The following POLR3A variants were observed in gnomAD, a reference collection of about 807,000 sequenced individuals.
POLR3A encodes the protein DNA-directed RNA polymerase III subunit RPC1.
In POLR3A, 112 loss-of-function variants were observed where a neutral mutation model predicts 152.8. The observed-to-expected ratio is 0.73, with a 90% CI of 0.63 to 0.86. POLR3A has a LOEUF of 0.86. Ranked by LOEUF, POLR3A falls within the 40% of genes least tolerant of loss-of-function variation. The probability of loss-of-function intolerance (pLI) is 0.00; values close to 1 mark genes in which losing one functional copy is unlikely to be tolerated. For missense variants in POLR3A, 1,385 were observed against 1,743.1 expected (o/e 0.79, Z 3.66); for synonymous variants, 615 against 652.1 (o/e 0.94, Z 0.87).
chr10:78,025,610 C>G lies in POLR3A; in HGVS notation c.318+12G>C. On this transcript the variant is annotated intron_variant, in intron 3 of 30. Transcript: ENST00000372371. ...GAATTTATGTCTTGGAAATCAGCAC[C>G]TGTGTGCTTACCTGTAAGATGCCTA... 2 of 1,613,960 alleles carry G rather than the reference C, an allele frequency of 1.2e-6. No individual in the cohort carries two copies. The highest frequency in any genetic ancestry group is 1.7e-6 in the Non-Finnish European group (2 of 1,179,826).
In POLR3A at chr10:77,993,259, G is replaced by A; in HGVS notation, c.2725C>T (p.Pro909Ser). 1 of 1,613,452 alleles carries A rather than the reference G, an allele frequency of 6.2e-7. No individual in the cohort carries two copies. The highest frequency in any genetic ancestry group is 8.5e-7 in the Non-Finnish European group (1 of 1,179,456). ...QFIYGGDGLD[P>S]AAMEGKDEPL... ...TCATCTTTTCCCTCCATAGCTGCAG[G>A]ATCTAAGCCATCTCCTCCATAAATG... Residue 909 changes from proline (P) to serine (S), a missense_variant, in exon 20 of 31, where the codon CCT (proline) becomes TCT (serine). Physicochemically the swap from Pro to Ser is moderately conservative, Grantham distance 74. This residue lies in a region of POLR3A where 178 missense variants were observed against 204.6 expected (regional missense o/e 0.87). Coordinates refer to ENST00000372371, the MANE Select transcript of POLR3A (RefSeq NM_007055.4).
rs1847127624 is a variant in POLR3A at position 77,980,276 on chromosome 10, G to A, written c.3892-3C>T. The A allele has an allele frequency of 6.2e-7, 1 of 1,613,786 alleles. No individual in the cohort carries two copies. Among genetic ancestry groups the A allele is most frequent in the African/African-American group, 1.3e-5 (1 of 74,854 alleles). On this transcript the variant is annotated splice_region_variant and splice_polypyrimidine_tract_variant and intron_variant, in intron 29 of 30. Transcript: ENST00000372371. ...CTAGTGATGCCCAGGACTTCACCCT[G>A]CGTCAAGGGAGAAAGAGTCACGGTG...
chr10:77,996,175 A>T (rs1348531752), intron 19 of POLR3A, among the ~76,000 whole-genome samples: 2 of 152,180 alleles, frequency 1.3e-5, no homozygotes, highest in African/African-American at 2.4e-5. Context: ...TGTAGAGGGA[A>T]ATTTATAGCA....
rs369287528 is a variant in POLR3A, at chr10:77,980,278, G to A, written c.3892-5C>T. 2.6e-5 allele frequency: 42 copies of A among 1,613,860 alleles called. 1 individual carries two copies. Among genetic ancestry groups the A allele is most frequent in the South Asian group, 1.3e-4 (12 of 91,074 alleles). On this transcript the variant is annotated splice_region_variant and splice_polypyrimidine_tract_variant and intron_variant, in intron 29 of 30. Transcript: ENST00000372371. ...AGTGATGCCCAGGACTTCACCCTGCGTCAAGGGAGAAAGAGTCACGGTGGT... is the reference window on the plus strand; with the variant it reads ...AGTGATGCCCAGGACTTCACCCTGCATCAAGGGAGAAAGAGTCACGGTGGT...
chr10:77,985,798 C>T (rs1847191095), intron 23 of POLR3A, 105 bp downstream of exon 23: 3 of 836,214 alleles, frequency 3.6e-6, no homozygotes, highest in South Asian at 1.4e-5. Flanking sequence ...CAAATACTGG[C>T]AGTTAACAAG....
intron 18 of POLR3A, 74 bp from the exon 19 acceptor site, chr10:78,000,192 C>T: frequency 7.6e-7 from 1 of 1,322,398 alleles, no homozygotes; most frequent in East Asian, 2.4e-5. Flanking sequence ...CCACTCAAAT[C>T]AGAAAATGCC....
chr10:77,982,836 T>C lies in POLR3A; in HGVS notation c.3430-19A>G, dbSNP rs1589303200. 1.2e-6 allele frequency: 2 copies of C among 1,609,954 alleles called. No individual in the cohort carries two copies. The highest frequency in any genetic ancestry group is 4.5e-5 in the East Asian group (2 of 44,842). On this transcript the variant is annotated intron_variant, in intron 26 of 30. Coordinates refer to ENST00000372371, the MANE Select transcript of POLR3A (RefSeq NM_007055.4). Reference sequence around the variant, plus strand: ...CGTTCACCTGCAACATGGCCAGGTGTAGGTGTTACTGATTCCAGTGTTGTT... The same window carrying C: ...CGTTCACCTGCAACATGGCCAGGTGCAGGTGTTACTGATTCCAGTGTTGTT...
At chr10:78,029,304 G>T in intron 1 of POLR3A, 60 bp downstream of exon 1, 1 of 1,564,862 alleles carries the variant, frequency 6.4e-7, no homozygotes. Flanking sequence ...ACCCGGGACC[G>T]CTGACCTCGG....
In POLR3A at chr10:78,025,336, CAG is replaced by C. The variant is rs570123766; in HGVS notation, c.319-196_319-195del. ...ATTAGCAGTACTCACAGCCAGTAGG[CAG>C]ACTTTGTTACCTTTATCTTTTTCTT... On this transcript the variant is annotated intron_variant, in intron 3 of 30. Coordinates refer to ENST00000372371, the MANE Select transcript of POLR3A (RefSeq NM_007055.4). 3.4e-3 allele frequency among the ~76,000 whole-genome samples: 520 copies of C among 152,294 alleles called. 2 individuals carry two copies. Among genetic ancestry groups the C allele is most frequent in the African/African-American group, 0.012 (494 of 41,570 alleles).
intron 10 of POLR3A, 129 bp downstream of exon 10, chr10:78,017,446 C>CA (rs57076507): frequency 0.12 from 86,152 of 722,930 alleles, no homozygotes; most frequent in East Asian, 0.13. Flanking sequence ...GAGCCTGTCT[C>CA]AAAAAAAAAA....
At chr10:77,995,571 T>G (rs1163873707) in intron 19 of POLR3A, among the ~76,000 whole-genome samples, 3 of 152,168 alleles carry the variant, frequency 2.0e-5, no homozygotes, top group East Asian at 1.9e-4. Flanking sequence ...AGAAGGCCAT[T>G]ACATAATGGT....
chr10:77,997,678 T>C lies in POLR3A; in HGVS notation c.2616+2303A>G, dbSNP rs189269724. Among the ~76,000 whole-genome samples the C allele has an allele frequency of 3.2e-3, 484 of 152,242 alleles. 11 individuals carry two copies. The highest frequency in any genetic ancestry group is 0.025 in the East Asian group (132 of 5,180). On this transcript the variant is annotated intron_variant, in intron 19 of 30. Transcript: ENST00000372371. ...AGAGGATACAAACAAATGGAGAACATTCCATGCTCATGGGTAGGAAGAATC... is the reference window on the plus strand; with the variant it reads ...AGAGGATACAAACAAATGGAGAACACTCCATGCTCATGGGTAGGAAGAATC...
chr10:78,024,418 C>T (rs976832219), intron 5 of POLR3A, 131 bp downstream of exon 5: 9 of 691,530 alleles, frequency 1.3e-5, no homozygotes, highest in African/African-American at 1.1e-4. Context: ...TCGAACCTAA[C>T]TGGACCTCTC....
chr10:78,000,757 C>A (rs1344480349), intron 18 of POLR3A, among the ~76,000 whole-genome samples: 1 of 152,214 alleles, frequency 6.6e-6, no homozygotes, highest in African/African-American at 2.4e-5. Flanking sequence ...CTCCTGGCCT[C>A]AAGCAATCCT....
chr10:78,019,486 G>C, intron 8 of POLR3A: 1 of 584,462 alleles, frequency 1.7e-6, no homozygotes, highest in Admixed American at 2.9e-5. Flanking sequence ...CTCACTGAGT[G>C]ACATGGCCAA....
At chr10:78,024,389 A>T (rs1436138933) in intron 5 of POLR3A, among the ~76,000 whole-genome samples, 160 bp downstream of exon 5, 1 of 147,208 alleles carries the variant, frequency 6.8e-6, no homozygotes. Context: ...AAAAAAAAAA[A>T]GGAATTATCG....
chr10:78,027,488 T>A (rs1847648281), intron 1 of POLR3A, among the ~76,000 whole-genome samples: 1 of 151,964 alleles, frequency 6.6e-6, no homozygotes, highest in Admixed American at 6.6e-5. Context: ...TGAAACCCTG[T>A]CTCTACTAAA....
chr10:77,997,507 C>T (rs1001718509), intron 19 of POLR3A, among the ~76,000 whole-genome samples: 7 of 152,086 alleles, frequency 4.6e-5, no homozygotes, highest in African/African-American at 7.2e-5. Flanking sequence ...CATTCTTATA[C>T]ACCAATAACA....
chr10:78,013,670 C>CT lies in POLR3A; in HGVS notation c.1551dup (p.Glu518ArgfsTer9). 1 of 1,614,132 alleles carries CT rather than the reference C, an allele frequency of 6.2e-7. No individual in the cohort carries two copies. Among genetic ancestry groups the CT allele is most frequent in the Non-Finnish European group, 8.5e-7 (1 of 1,180,014 alleles). On this transcript the variant is annotated frameshift_variant, in exon 11 of 31. Transcript: ENST00000372371. LOFTEE classifies it high-confidence loss of function. Reference sequence around the variant, plus strand: ...CATACCCCCATCAGAACAAGGGCCTCTGCTTTAGCTTCTTCTGTTTGAGGA... The same window carrying CT: ...CATACCCCCATCAGAACAAGGGCCTCTTGCTTTAGCTTCTTCTGTTTGAGGA...
Sources: allele counts gnomAD v4.1 joint callset (sites outside exome capture counted in the v4.1 genomes callset), GRCh38; gene constraint gnomAD v4.1.1; regional missense constraint gnomAD v4.1.1; transcripts MANE v1.5; gene names NCBI Gene and HGNC (gene_info 2026-07-23, HGNC 2026-07-21).